Variants in CPAMD8 observed in about 807,000 individuals in gnomAD.
CPAMD8 encodes the protein C3 and PZP like alpha-2-macroglobulin domain containing 8.
Under a neutral mutation model 224.7 loss-of-function variants are expected in CPAMD8, and 146 were observed. The observed-to-expected ratio is 0.65, with a 90% CI of 0.57 to 0.75. The LOEUF is 0.75. CPAMD8 is among the 30% of genes least tolerant of loss of function. The pLI is 0.00. For synonymous variants in CPAMD8, 966 were observed against 1,044.6 expected, an observed-to-expected ratio of 0.92 and a Z score of 1.45; for missense variants, 2,301 against 2,537.5, an observed-to-expected ratio of 0.91 and a Z score of 2.00.
chr19:17,021,144 C>T (rs1214792431), intron 2 of CPAMD8, among the ~76,000 whole-genome samples: 2 of 152,218 alleles, frequency 1.3e-5, no homozygotes, highest in Non-Finnish European at 2.9e-5. Context: ...ATCCAGCCAT[C>T]TTGGGAGACT....
At chr19:16,936,964 CT>C (rs979810241) in intron 23 of CPAMD8, among the ~76,000 whole-genome samples, 2 of 152,000 alleles carry the variant, frequency 1.3e-5, no homozygotes, top group Admixed American at 6.6e-5. Flanking sequence ...GGTGGCAGAT[CT>C]TTTTTTCCCT....
intron 26 of CPAMD8, among the ~76,000 whole-genome samples, chr19:16,922,555 C>T (rs968296399): frequency 3.3e-5 from 5 of 150,770 alleles, no homozygotes; most frequent in African/African-American, 9.8e-5. Context: ...CTTGAAACTG[C>T]CCCATACCCA....
intron 3 of CPAMD8, among the ~76,000 whole-genome samples, chr19:17,018,907 C>CAA (rs769554399): frequency 0.23 from 21,096 of 92,872 alleles, 1,679 homozygotes; most frequent in East Asian, 0.32. Flanking sequence ...GACTTCATCT[C>CAA]AAAAAAAAAA....
chr19:16,948,576 A>G (rs2054181179), intron 20 of CPAMD8, among the ~76,000 whole-genome samples: 1 of 151,804 alleles, frequency 6.6e-6, no homozygotes, highest in South Asian at 2.1e-4. Context: ...AGGAAACCCC[A>G]TCTCTACTAA....
At chr19:16,956,605 A>C (rs2054479817) in intron 19 of CPAMD8, among the ~76,000 whole-genome samples, 1 of 152,198 alleles carries the variant, frequency 6.6e-6, no homozygotes, top group Non-Finnish European at 1.5e-5. Context: ...CAAGACAGGA[A>C]GATCACTTGA....
intron 18 of CPAMD8, among the ~76,000 whole-genome samples, chr19:16,967,523 A>G (rs1463238326): frequency 6.6e-6 from 1 of 152,088 alleles, no homozygotes; most frequent in East Asian, 1.9e-4. Flanking sequence ...TTAAAAATAT[A>G]TGGCCAGGTG....
chr19:16,907,563 G>A (rs1212490598), intron 29 of CPAMD8: 4 of 147,258 alleles, frequency 2.7e-5, no homozygotes, highest in Admixed American at 1.4e-4. Context: ...AGCCAATATC[G>A]CGCCACTGCA....
chr19:16,901,141 C>T, intron 36 of CPAMD8, 69 bp downstream of exon 36: 1 of 1,067,220 alleles, frequency 9.4e-7, no homozygotes, highest in Non-Finnish European at 1.4e-6. Context: ...CCAGCCTGAC[C>T]CTGGGTGCCT....
In CPAMD8 at chr19:16,893,027, C is replaced by T; in HGVS notation, c.*81G>A. ...TTACCAGAGTTTTCTGAGATGTTAACCACAGGCACAAGCTGGGTGTGTGGG... is the reference window on the plus strand; with the variant it reads ...TTACCAGAGTTTTCTGAGATGTTAATCACAGGCACAAGCTGGGTGTGTGGG... On this transcript the variant is annotated 3_prime_UTR_variant, in exon 42 of 42. Transcript: ENST00000443236. 1.3e-6 allele frequency: 1 copy of T among 780,646 alleles called. No individual in the cohort carries two copies. The highest frequency in any genetic ancestry group is 2.4e-6 in the Non-Finnish European group (1 of 420,270). The allele number at this position is 780,646 out of a possible 1,614,324, so 48.4% of individuals were successfully genotyped here.
At chr19:16,917,985 C>T (rs1010964592) in intron 27 of CPAMD8, among the ~76,000 whole-genome samples, 3 of 152,008 alleles carry the variant, frequency 2.0e-5, no homozygotes, top group Non-Finnish European at 2.9e-5. Flanking sequence ...CATATCCTCC[C>T]GTGAACTTTA....
At chr19:16,896,131 T>C (rs776918957) in intron 41 of CPAMD8, 45 bp downstream of exon 41, 1 of 1,605,910 alleles carries the variant, frequency 6.2e-7, no homozygotes, top group Admixed American at 1.7e-5. Flanking sequence ...GGTGGGGAGA[T>C]ATTGAGCCTA....
At chr19:16,975,023 A>G (rs2055205983) in intron 17 of CPAMD8, 74 bp downstream of exon 17, 3 of 1,515,212 alleles carry the variant, frequency 2.0e-6, no homozygotes, top group East Asian at 2.3e-5. Context: ...CCATTTCTGA[A>G]TCTCCAAGAC....
At position 16,989,656 on chromosome 19, in the gene CPAMD8, G is replaced by A; in HGVS notation, c.1382C>T (p.Ser461Phe). 6.2e-7 allele frequency: 1 copy of A among 1,613,968 alleles called. No homozygotes were observed. The highest frequency in any genetic ancestry group is 8.5e-7 in the Non-Finnish European group (1 of 1,179,902). ...TGAAAATCTTACCTGCAGTGGGTGG[G>A]AGGGTGGCTGCAGCTGCAGGTAGCA... ...SQCYLQLQPP[S>F]HPLQVGEEAY... Residue 461 changes from serine to phenylalanine, a missense_variant, in exon 13 of 42, where the codon TCC becomes TTC. Physicochemically the swap from Ser to Phe is radical, Grantham distance 155. Coordinates refer to ENST00000443236, the MANE Select transcript of CPAMD8 (RefSeq NM_015692.5).
At chr19:17,012,854 T>A (rs186567994) in intron 3 of CPAMD8, among the ~76,000 whole-genome samples, 48 of 152,200 alleles carry the variant, frequency 3.2e-4, no homozygotes, top group African/African-American at 1.1e-3. Context: ...GATATATCTA[T>A]CATGTATATG....
chr19:17,010,483 C>G (rs2056615819), intron 5 of CPAMD8, among the ~76,000 whole-genome samples: 1 of 152,110 alleles, frequency 6.6e-6, no homozygotes, highest in Non-Finnish European at 1.5e-5. Context: ...CAGCGATCTT[C>G]CTGCCTCAGC....
At chr19:17,017,372 C>T (rs2056839902) in intron 3 of CPAMD8, among the ~76,000 whole-genome samples, 2 of 152,142 alleles carry the variant, frequency 1.3e-5, no homozygotes, top group Non-Finnish European at 2.9e-5. Context: ...AAATGGAATG[C>T]CCTTGAATCA....
chr19:17,025,183 G>A (rs1323209595), intron 1 of CPAMD8, among the ~76,000 whole-genome samples: 1 of 152,134 alleles, frequency 6.6e-6, no homozygotes, highest in Non-Finnish European at 1.5e-5. Context: ...GGCGGAGGTG[G>A]GTGGATCACC....
chr19:16,922,023 T>A, intron 26 of CPAMD8, 37 bp from the exon 27 acceptor site: 2 of 1,478,100 alleles, frequency 1.4e-6, no homozygotes, highest in Non-Finnish European at 1.8e-6. Context: ...TCCTGTTGAG[T>A]GGCCTGGCCC....
intron 29 of CPAMD8, among the ~76,000 whole-genome samples, chr19:16,913,986 C>T (rs1236245443): frequency 6.6e-6 from 1 of 152,114 alleles, no homozygotes; most frequent in Non-Finnish European, 1.5e-5. Flanking sequence ...GCCATCTAAG[C>T]CCCATCCAGT....
Sources: allele counts gnomAD v4.1 joint callset (sites outside exome capture counted in the v4.1 genomes callset), GRCh38; gene constraint gnomAD v4.1.1; transcripts MANE v1.5; gene names NCBI Gene and HGNC (gene_info 2026-07-23, HGNC 2026-07-21).